DBI: variants seen among roughly 807,000 people sequenced by gnomAD.
DBI encodes diazepam binding inhibitor, acyl-CoA binding protein.
A neutral mutation model predicts 13.0 loss-of-function variants in DBI; 12 were observed. The ratio of observed to expected loss-of-function variants is 0.92; its 90% CI spans 0.59 to 1.49. The LOEUF (loss-of-function observed/expected upper bound fraction) is 1.49. Ranked by LOEUF, DBI falls within the 40% of genes most tolerant of loss-of-function variation. DBI has a pLI of 0.00. For synonymous variants in DBI, 37 were observed against 37.4 expected, an observed-to-expected ratio of 0.99 and a Z score of 0.04; for missense variants, 95 against 104.8, an observed-to-expected ratio of 0.91 and a Z score of 0.41.
At chr2:119,367,958 G>T in intron 1 of DBI, 1 of 1,614,160 alleles carries the variant, frequency 6.2e-7, no homozygotes. Flanking sequence ...TATGGTTTTC[G>T]ATTGAATGAG....
At chr2:119,368,540 C>T (rs900679547) in intron 2 of DBI, 21 of 490,674 alleles carry the variant, frequency 4.3e-5, no homozygotes, top group Non-Finnish European at 6.3e-5. Context: ...CCAGCAGCTA[C>T]TCTCTACTAG....
At chr2:119,367,670 G>T in intron 1 of DBI, 2 of 1,613,480 alleles carry the variant, frequency 1.2e-6, no homozygotes, top group Non-Finnish European at 1.7e-6. Context: ...GCGGGCCCCA[G>T]GGGGAGGGAG....
chr2:119,368,356 CAG>C (rs1681242651), intron 2 of DBI, 51 bp downstream of exon 2: 2 of 1,400,992 alleles, frequency 1.4e-6, no homozygotes, highest in African/African-American at 2.8e-5. Flanking sequence ...GCAGGCTCAG[CAG>C]CTCAGACTGG....
rs530873541 is a variant in DBI at position 119,370,846 on chromosome 2, T to G, written c.190+44T>G. On this transcript the variant is annotated intron_variant, in intron 3 of 3. Transcript: ENST00000355857. ...TTCTCTCATTTGTGAAACCCAGTAG[T>G]GAAAGAGTCTTCATTATGAAGTGTA... 100 of 1,538,910 alleles carry G rather than the reference T, an allele frequency of 6.5e-5. 1 individual carries two copies. The South Asian group carries it at 1.1e-3, about 16-fold the overall frequency.
intron 1 of DBI, chr2:119,367,479 G>C: frequency 6.3e-7 from 1 of 1,595,294 alleles, no homozygotes; most frequent in Non-Finnish European, 8.6e-7. Context: ...GGGAAGTACG[G>C]GGCCGGCTGC....
At position 119,367,056 on chromosome 2, in the gene DBI, C is replaced by T. The variant is rs771300705; in HGVS notation, c.5C>T (p.Ser2Phe). Residue 2 changes from serine (S) to phenylalanine (F), a missense_variant, in exon 1 of 4, where the codon TCT becomes TTT. By Grantham distance (155) the Ser-to-Phe change is radical (BLOSUM62 -2). Transcript: ENST00000355857. M[S>F]QAEFEKAAEE... Reference sequence around the variant, plus strand: ...AGTTCTTGCAAGTCGGCCAGGATGTCTCAGGTACAGCGCGTGCACAGCCAG... The same window carrying T: ...AGTTCTTGCAAGTCGGCCAGGATGTTTCAGGTACAGCGCGTGCACAGCCAG... 1.2e-6 allele frequency: 2 copies of T among 1,613,988 alleles called. No homozygotes were observed. Among genetic ancestry groups the T allele is most frequent in the Non-Finnish European group, 1.7e-6 (2 of 1,180,022 alleles).
intron 3 of DBI, among the ~76,000 whole-genome samples, 167 bp downstream of exon 3, chr2:119,370,969 C>G (rs1290811025): frequency 6.6e-6 from 1 of 152,160 alleles, no homozygotes; most frequent in Admixed American, 6.5e-5. Context: ...ACTTTTTCTC[C>G]TAACACCATT....
At chr2:119,369,460 A>AG (rs1255397112) in intron 2 of DBI, among the ~76,000 whole-genome samples, 2 of 152,260 alleles carry the variant, frequency 1.3e-5, no homozygotes, top group African/African-American at 4.8e-5. Flanking sequence ...ACGATAGTTT[A>AG]GTATAATAGC....
chr2:119,368,382 CT>C, intron 2 of DBI, 77 bp downstream of exon 2: 1 of 1,092,494 alleles, frequency 9.2e-7, no homozygotes, highest in East Asian at 2.4e-5. Context: ...TCCCTGGGAA[CT>C]TCACTCTCAA....
Position 119,367,992 on chromosome 2 carries a change from T to C in DBI, c.10-196T>C, listed in dbSNP as rs1308217615. On this transcript the variant is annotated intron_variant, in intron 1 of 3. Coordinates refer to ENST00000355857, the MANE Select transcript of DBI (RefSeq NM_001079862.4). ...AGTGAACTGGAGGGGCTTCCCCTTC[T>C]TGTGTTGCTGAATCTTTCTAGCTGC... is the stretch of plus-strand genomic sequence containing the variant. 10 of 1,609,766 alleles carry C rather than the reference T, an allele frequency of 6.2e-6. No individual in the cohort carries two copies. In the South Asian group the frequency reaches 8.8e-5, roughly 14 times the overall value.
intron 2 of DBI, chr2:119,368,643 G>T: frequency 4.6e-6 from 1 of 216,956 alleles, no homozygotes; most frequent in Non-Finnish European, 9.5e-6. Context: ...TGCCCTAGAT[G>T]GGCAGGATCA....
Position 119,369,006 on chromosome 2 carries a change from G to A in DBI, c.127+701G>A, listed in dbSNP as rs544012256. ...CCCTGCCCCTGCTGAGGAAGAAGGC[G>A]AGCATGGTCCCTATTTCCGCAGTAG... is the stretch of plus-strand genomic sequence containing the variant. On this transcript the variant is annotated intron_variant, in intron 2 of 3. Transcript: ENST00000355857. 4.6e-5 allele frequency among the ~76,000 whole-genome samples: 7 copies of A among 152,308 alleles called. No individual in the cohort carries two copies. The East Asian group carries it at 7.7e-4, about 17-fold the overall frequency.
In DBI at chr2:119,372,420, G is replaced by C. The variant is rs1349568546; in HGVS notation, c.*102G>C. On this transcript the variant is annotated 3_prime_UTR_variant, in exon 4 of 4. Coordinates refer to ENST00000355857, the MANE Select transcript of DBI (RefSeq NM_001079862.4). ...TGGTGGGAATTCGGGAAAATAACCA[G>C]TTAAACCAGCTACTCAAGGCTGCTC... 1.6e-5 allele frequency: 14 copies of C among 890,330 alleles called. No individual in the cohort carries two copies. The highest frequency in any genetic ancestry group is 1.1e-5 in the Non-Finnish European group (6 of 547,518). 55.2% of individuals were successfully genotyped at this position (890,330 alleles called of 1,614,324 possible). A position where few individuals can be genotyped will look rare whatever the true frequency, so the allele number is the denominator to read the frequency against.
At chr2:119,367,115 G>C (rs1025945934) in intron 1 of DBI, 55 bp downstream of exon 1, 26 of 1,609,608 alleles carry the variant, frequency 1.6e-5, no homozygotes, top group Non-Finnish European at 2.2e-5. Flanking sequence ...AGGCCCGTTG[G>C]GGGCTCAGCC....
At chr2:119,369,860 G>C (rs1681387626) in intron 2 of DBI, among the ~76,000 whole-genome samples, 2 of 152,170 alleles carry the variant, frequency 1.3e-5, no homozygotes, top group South Asian at 4.1e-4. Flanking sequence ...CCACATTTCA[G>C]ATGCCCAGTA....
At chr2:119,369,076 G>A (rs1409345364) in intron 2 of DBI, among the ~76,000 whole-genome samples, 1 of 152,222 alleles carries the variant, frequency 6.6e-6, no homozygotes, top group East Asian at 1.9e-4. Context: ...CAACCAGCTG[G>A]AAGCAGGAAA....
At chr2:119,368,095 C>T in intron 1 of DBI, 93 bp from the exon 2 acceptor site, 1 of 1,481,126 alleles carries the variant, frequency 6.8e-7, no homozygotes, top group South Asian at 1.1e-5. Context: ...ACCTCTCCAT[C>T]CCCGTAACTG....
In DBI at chr2:119,372,273, T is replaced by G; in HGVS notation, c.219T>G (p.Ala73=). ...CTTCCAAGGAAGATGCCATGAAAGC[T>G]TACATCAACAAAGTAGAAGAGCTAA... ...KGTSKEDAMK[A]YINKVEELKK... Residue 73 remains alanine (A), a synonymous_variant, in exon 4 of 4, where the codon GCT becomes GCG. Transcript: ENST00000355857. The G allele has an allele frequency of 6.2e-7, 1 of 1,613,732 alleles. No homozygotes were observed.
rs1573709088 is a variant in DBI at position 119,367,013 on chromosome 2, C to T, written c.-39C>T. 1 of 1,613,834 alleles carries T rather than the reference C, an allele frequency of 6.2e-7. No individual in the cohort carries two copies. The highest frequency in any genetic ancestry group is 8.5e-7 in the Non-Finnish European group (1 of 1,179,862). On this transcript the variant is annotated 5_prime_UTR_variant, in exon 1 of 4. Transcript: ENST00000355857. ...GGCGATCGCTTCCTGGTCCTCGCCT[C>T]CTCCGCTGTCTCCCTGGAGTTCTTG...
Sources: allele counts gnomAD v4.1 joint callset (sites outside exome capture counted in the v4.1 genomes callset), GRCh38; gene constraint gnomAD v4.1.1; transcripts MANE v1.5; gene names NCBI Gene and HGNC (gene_info 2026-07-23, HGNC 2026-07-21).